CSPG5: variants seen among roughly 807,000 people sequenced by gnomAD.
The protein encoded by CSPG5 is acidic leucine-rich EGF-like domain-containing brain protein.
In CSPG5, 25 loss-of-function variants were observed where a neutral mutation model predicts 39.8. The observed-to-expected ratio is 0.63, with a 90% CI of 0.46 to 0.88. CSPG5 has a LOEUF of 0.88. Ranked by LOEUF, CSPG5 falls within the 40% of genes least tolerant of loss-of-function variation. The pLI is 0.00. For synonymous variants in CSPG5, 295 were observed against 303.9 expected, an observed-to-expected ratio of 0.97 and a Z score of 0.31; for missense variants, 627 against 702.2, an observed-to-expected ratio of 0.89 and a Z score of 1.21.
chr3:47,562,811 AAAT>A lies in CSPG5; in HGVS notation c.1459-53_1459-51del. 1.3e-6 allele frequency: 2 copies of A among 1,487,820 alleles called. 1 individual carries two copies. Among genetic ancestry groups the A allele is most frequent in the Non-Finnish European group, 1.8e-6 (2 of 1,097,048 alleles). The allele number at this position is 1,487,820 out of a possible 1,614,324, so 92.2% of individuals were successfully genotyped here. A position where few individuals can be genotyped will look rare whatever the true frequency, so the allele number is the denominator to read the frequency against. On this transcript the variant is annotated intron_variant, in intron 4 of 4. Coordinates refer to ENST00000264723, the MANE Select transcript of CSPG5 (RefSeq NM_006574.4). ...GGGGGAGACAATGCATACAGCAACCAAATAATAATATCAGCGTTTTCTATCTGG... is the reference window on the plus strand; with the variant it reads ...GGGGGAGACAATGCATACAGCAACCAAATAATATCAGCGTTTTCTATCTGG...
intron 2 of CSPG5, among the ~76,000 whole-genome samples, chr3:47,573,972 G>A (rs894422576): frequency 1.3e-5 from 2 of 152,180 alleles, no homozygotes; most frequent in Non-Finnish European, 2.9e-5. Context: ...CAGAGACAAA[G>A]GCACACTGCA....
rs529744485 is a variant in CSPG5, at chr3:47,572,421, C to G, written c.1382+265G>C. On this transcript the variant is annotated intron_variant, in intron 3 of 4. Coordinates refer to ENST00000264723, the MANE Select transcript of CSPG5 (RefSeq NM_006574.4). The surrounding 1 kb of genome is among the most constrained non-coding windows in gnomAD (Gnocchi z 4.5). ...GGCTGCCTTTTTCACAGCAGGCTCT[C>G]AGATGCCTAGTGCAGGGTTTTGGGA... Among the ~76,000 whole-genome samples, 2 of 152,356 alleles carry G rather than the reference C, an allele frequency of 1.3e-5. No individual in the cohort carries two copies. The highest frequency in any genetic ancestry group is 3.9e-4 in the East Asian group (2 of 5,192).
At position 47,577,738 on chromosome 3, in the gene CSPG5, G is replaced by C. The variant is rs755673769; in HGVS notation, c.288C>G (p.Thr96=). 3 of 1,580,488 alleles carry C rather than the reference G, an allele frequency of 1.9e-6. No homozygotes were observed. Among genetic ancestry groups the C allele is most frequent in the Non-Finnish European group, 2.6e-6 (3 of 1,169,114 alleles). The change falls in exon 2 of 5, where the codon ACC becomes ACG. Residue 96 remains threonine (T), a synonymous_variant. Transcript: ENST00000264723. The surrounding 1 kb of genome is among the most constrained non-coding windows in gnomAD (Gnocchi z 4.7). ...EEVLQESAAV[T]GTAWLEADSP... is the part of the protein sequence containing the mutation. ...TGTCAGCTTCCAGCCAGGCGGTGCC[G>C]GTCACCGCAGCCGACTCCTGCAGCA... is the stretch of plus-strand genomic sequence containing the variant.
At position 47,576,826 on chromosome 3, in the gene CSPG5, C is replaced by A; in HGVS notation, c.1193+7G>T. On this transcript the variant is annotated splice_region_variant and intron_variant, in intron 2 of 4. Coordinates refer to ENST00000264723, the MANE Select transcript of CSPG5 (RefSeq NM_006574.4). Reference sequence around the variant, plus strand: ...TGTCCCTATGCACCTGCCTGCCATGCCCTTACCTGCAGAAGGCCCCTATGT... The same window carrying A: ...TGTCCCTATGCACCTGCCTGCCATGACCTTACCTGCAGAAGGCCCCTATGT... The A allele has an allele frequency of 6.5e-7, 1 of 1,546,360 alleles. No individual in the cohort carries two copies. Among genetic ancestry groups the A allele is most frequent in the Non-Finnish European group, 8.7e-7 (1 of 1,145,070 alleles).
chr3:47,574,918 G>A lies in CSPG5; in HGVS notation c.1193+1915C>T, dbSNP rs573339853. ...TGCACCACTGCACTCCAGCCTGGAC[G>A]ACAGAGTGAGACTCCGTCTCTAAAA... On this transcript the variant is annotated intron_variant, in intron 2 of 4. Coordinates refer to ENST00000264723, the MANE Select transcript of CSPG5 (RefSeq NM_006574.4). Among the ~76,000 whole-genome samples the A allele has an allele frequency of 3.9e-5, 6 of 152,248 alleles. No homozygotes were observed. The East Asian group carries it at 9.7e-4, about 25-fold the overall frequency.
chr3:47,565,999 C>T (rs1027447473), intron 4 of CSPG5, among the ~76,000 whole-genome samples: 1 of 152,216 alleles, frequency 6.6e-6, no homozygotes, highest in Non-Finnish European at 1.5e-5. Context: ...CAGAGCCGCA[C>T]ATCAGCCTGA....
intron 2 of CSPG5, among the ~76,000 whole-genome samples, 166 bp downstream of exon 2, chr3:47,576,667 C>G (rs998081266): frequency 1.3e-5 from 2 of 151,766 alleles, no homozygotes; most frequent in African/African-American, 2.4e-5. Context: ...ACCAACTTGG[C>G]CAGGCTGGTC....
At chr3:47,576,115 T>C (rs1192527616) in intron 2 of CSPG5, among the ~76,000 whole-genome samples, 1 of 151,912 alleles carries the variant, frequency 6.6e-6, no homozygotes, top group African/African-American at 2.4e-5. Flanking sequence ...TTTTATGTTT[T>C]TAGTAGAGAC....
chr3:47,574,145 T>C (rs2031622678), intron 2 of CSPG5, among the ~76,000 whole-genome samples: 1 of 152,136 alleles, frequency 6.6e-6, no homozygotes. Context: ...AGTGGACACG[T>C]GGAGAAGCCC....
At chr3:47,574,615 A>G (rs981284785) in intron 2 of CSPG5, among the ~76,000 whole-genome samples, 1 of 152,194 alleles carries the variant, frequency 6.6e-6, no homozygotes. Context: ...GTCACATCCT[A>G]TGAGTGACCC....
At chr3:47,565,886 G>C (rs1053924631) in intron 4 of CSPG5, among the ~76,000 whole-genome samples, 1 of 152,170 alleles carries the variant, frequency 6.6e-6, no homozygotes, top group Non-Finnish European at 1.5e-5. Flanking sequence ...CCTGGAGCAC[G>C]GGCAGCTTCC....
intron 4 of CSPG5, 26 bp from the exon 5 acceptor site, chr3:47,562,787 G>A (rs185202804): frequency 4.5e-6 from 7 of 1,572,828 alleles, no homozygotes; most frequent in Non-Finnish European, 6.1e-6. Context: ...AGTTGGGGGG[G>A]GGGAGACAAT....
chr3:47,574,954 C>CAAA (rs1194914610), intron 2 of CSPG5, among the ~76,000 whole-genome samples: 1 of 151,480 alleles, frequency 6.6e-6, no homozygotes, highest in African/African-American at 2.4e-5. Context: ...ACAACAACAA[C>CAAA]AAAAAAAAGA....
chr3:47,571,611 G>A (rs1412244404), intron 3 of CSPG5, among the ~76,000 whole-genome samples: 2 of 152,242 alleles, frequency 1.3e-5, no homozygotes, highest in African/African-American at 4.8e-5. Flanking sequence ...TAGCTGAAAG[G>A]CTGCAGAGAG....
chr3:47,563,143 T>C (rs2031153921), intron 4 of CSPG5, among the ~76,000 whole-genome samples: 1 of 152,220 alleles, frequency 6.6e-6, no homozygotes, highest in Non-Finnish European at 1.5e-5. Flanking sequence ...TTCCATCCTG[T>C]TGAGTTTTGC....
At position 47,572,912 on chromosome 3, in the gene CSPG5, A is replaced by T. The variant is rs745384851; in HGVS notation, c.1194-38T>A. The T allele has an allele frequency of 3.3e-5, 53 of 1,584,910 alleles. No homozygotes were observed. The highest frequency in any genetic ancestry group is 5.2e-5 in the Admixed American group (3 of 57,632). ...CATTGAGAAACCGTGGCGATGGAGC[A>T]GGCAGCCACGGCCACAGTAAGGGCC... On this transcript the variant is annotated intron_variant, in intron 2 of 4. Transcript: ENST00000264723. This position sits in a 1 kb window ranked among gnomAD's most constrained non-coding sequence, Gnocchi z 4.5.
intron 2 of CSPG5, among the ~76,000 whole-genome samples, chr3:47,574,667 C>T (rs757147295): frequency 2.6e-5 from 4 of 152,126 alleles, no homozygotes; most frequent in South Asian, 4.1e-4. Context: ...CGGCTGGGCG[C>T]GGTGGCTCAC....
At chr3:47,564,597 C>A (rs533957500) in intron 4 of CSPG5, among the ~76,000 whole-genome samples, 1 of 152,124 alleles carries the variant, frequency 6.6e-6, no homozygotes, top group Non-Finnish European at 1.5e-5. Context: ...GCACACAGCA[C>A]GCGCGGCCAG....
chr3:47,577,982 T>TGGAGCCCC lies in CSPG5; in HGVS notation c.98-62_98-55dup, dbSNP rs1474121165. ...GTCAGGGCGGCGCGCTGAGGAGCCC[T>TGGAGCCCC]GGAGCCCCGGCCCGCCCCGGTCAGG... On this transcript the variant is annotated intron_variant, in intron 1 of 4. Transcript: ENST00000264723. The surrounding 1 kb of genome is among the most constrained non-coding windows in gnomAD (Gnocchi z 4.7). The TGGAGCCCC allele has an allele frequency of 1.3e-5, 18 of 1,369,160 alleles. No individual in the cohort carries two copies. The East Asian group carries it at 5.0e-4, about 38-fold the overall frequency. The allele number at this position is 1,369,160 out of a possible 1,614,324, so 84.8% of individuals were successfully genotyped here. A position where few individuals can be genotyped will look rare whatever the true frequency, so the allele number is the denominator to read the frequency against.
Sources: gnomAD v4.1 joint callset for allele counts (sites outside exome capture counted in the v4.1 genomes callset) on GRCh38, gnomAD v4.1.1 for gene constraint, Gnocchi (gnomAD v3.1) non-coding constraint, MANE v1.5 for transcripts, NCBI Gene and HGNC (gene_info 2026-07-23, HGNC 2026-07-21) for gene names.